Variants in CSMD3 observed in about 807,000 individuals in gnomAD.
The protein encoded by CSMD3 is CUB and sushi domain-containing protein 3.
CSMD3 carries 177 observed loss-of-function variants against 435.2 expected under a neutral mutation model. The observed-to-expected ratio is 0.41, with a 90% CI of 0.36 to 0.46. The LOEUF (loss-of-function observed/expected upper bound fraction) is 0.46. Among genes scored for constraint, CSMD3 ranks in the 20% least tolerant of loss-of-function variants. The probability of loss-of-function intolerance (pLI) is 0.34; values close to 1 mark genes in which losing one functional copy is unlikely to be tolerated. For synonymous variants in CSMD3, 1,656 were observed against 1,520.5 expected (o/e 1.09, Z -2.07); for missense variants, 4,265 against 4,504.6 (o/e 0.95, Z 1.52).
At chr8:112,642,578 A>T (rs1408074742) in intron 20 of CSMD3, among the ~76,000 whole-genome samples, 1 of 152,182 alleles carries the variant, frequency 6.6e-6, no homozygotes, top group African/African-American at 2.4e-5. Context: ...AATACTAATG[A>T]TCATAGTTAT....
At chr8:112,831,501 T>C (rs1038811928) in intron 11 of CSMD3, among the ~76,000 whole-genome samples, 3 of 152,038 alleles carry the variant, frequency 2.0e-5, no homozygotes, top group Admixed American at 2.0e-4. Context: ...ATTCAAATGT[T>C]CACATTCGTG....
At chr8:112,577,915 CA>C (rs1301890904) in intron 23 of CSMD3, among the ~76,000 whole-genome samples, 2 of 151,834 alleles carry the variant, frequency 1.3e-5, no homozygotes, top group Admixed American at 6.6e-5. Context: ...AATCCAAGAG[CA>C]AAAAGTAAAT....
chr8:112,864,271 C>T (rs189076758), intron 10 of CSMD3, among the ~76,000 whole-genome samples: 9 of 151,796 alleles, frequency 5.9e-5, no homozygotes, highest in African/African-American at 9.7e-5. Flanking sequence ...TTGTTTTAGA[C>T]GGAGTCTCAC....
At chr8:112,576,024 TTTAATTGCTATGAAAA>T (rs1238561423) in intron 23 of CSMD3, among the ~76,000 whole-genome samples, 1 of 151,544 alleles carries the variant, frequency 6.6e-6, no homozygotes, top group Non-Finnish European at 1.5e-5. Context: ...CAACATATAA[TTTAATTGCTATGAAAA>T]ATATAAATAT....
intron 2 of CSMD3, among the ~76,000 whole-genome samples, chr8:113,302,588 A>G (rs2093781797): frequency 6.6e-6 from 1 of 151,894 alleles, no homozygotes; most frequent in Non-Finnish European, 1.5e-5. Flanking sequence ...TACATTTATG[A>G]GAACATTAAT....
intron 32 of CSMD3, among the ~76,000 whole-genome samples, chr8:112,433,351 T>G (rs1563939897): frequency 6.6e-6 from 1 of 151,726 alleles, no homozygotes. Context: ...TAGGTCTAAT[T>G]GTTACCTTTA....
intron 5 of CSMD3, among the ~76,000 whole-genome samples, chr8:113,095,708 T>A (rs1222279463): frequency 6.6e-6 from 1 of 152,128 alleles, no homozygotes; most frequent in East Asian, 1.9e-4. Context: ...AAATGATACA[T>A]ACAGTTTAAA....
chr8:112,583,147 G>A (rs905696321), intron 23 of CSMD3, among the ~76,000 whole-genome samples: 8 of 152,112 alleles, frequency 5.3e-5, no homozygotes, highest in South Asian at 2.1e-4. Flanking sequence ...CCGGAAGTGT[G>A]AAGAAAAGAA....
intron 5 of CSMD3, among the ~76,000 whole-genome samples, chr8:113,044,953 C>T (rs948068433): frequency 1.3e-5 from 2 of 149,042 alleles, no homozygotes; most frequent in East Asian, 3.8e-4. Flanking sequence ...CAAACTACTA[C>T]TTATCCTTAA....
intron 38 of CSMD3, among the ~76,000 whole-genome samples, chr8:112,363,668 C>T (rs1184276693): frequency 6.6e-6 from 1 of 151,900 alleles, no homozygotes; most frequent in African/African-American, 2.4e-5. Context: ...ATCTCTACGT[C>T]ATCATCACAA....
Position 112,502,885 on chromosome 8 carries a change from G to C in CSMD3, c.5083+905C>G, listed in dbSNP as rs185063904. Among the ~76,000 whole-genome samples the C allele has an allele frequency of 2.0e-5, 3 of 152,216 alleles. No homozygotes were observed. The East Asian group carries it at 5.8e-4, about 29-fold the overall frequency. On this transcript the variant is annotated intron_variant, in intron 30 of 70. Transcript: ENST00000297405. The stretch of plus-strand genomic sequence containing the variant: ...TATTAGTATGCCATTCATGGACTCA[G>C]TAATTGAAAAATAAATTTAAATTTT...
intron 3 of CSMD3, among the ~76,000 whole-genome samples, chr8:113,278,262 T>C (rs2093586679): frequency 6.6e-6 from 1 of 151,818 alleles, no homozygotes; most frequent in African/African-American, 2.4e-5. Flanking sequence ...TACTTTCTGG[T>C]AGACTGGCAC....
chr8:113,192,315 G>GT (rs551210824), intron 3 of CSMD3, among the ~76,000 whole-genome samples: 14 of 151,072 alleles, frequency 9.3e-5, no homozygotes, highest in African/African-American at 2.4e-4. Flanking sequence ...CACAGTTGTT[G>GT]TTTTTTTTAT....
At chr8:112,979,545 A>G (rs2084971492) in intron 6 of CSMD3, among the ~76,000 whole-genome samples, 1 of 151,508 alleles carries the variant, frequency 6.6e-6, no homozygotes, top group Non-Finnish European at 1.5e-5. Context: ...CCAATGCTGG[A>G]AAAAGTCTTA....
intron 22 of CSMD3, among the ~76,000 whole-genome samples, chr8:112,632,009 C>T (rs1040116635): frequency 1.4e-4 from 21 of 151,940 alleles, no homozygotes; most frequent in African/African-American, 5.1e-4. Flanking sequence ...ATTTGATATA[C>T]ATATGTGGGC....
intron 23 of CSMD3, among the ~76,000 whole-genome samples, chr8:112,582,332 G>A (rs1288130135): frequency 1.3e-5 from 2 of 151,876 alleles, no homozygotes; most frequent in East Asian, 3.9e-4. Flanking sequence ...TGTTTGTAGA[G>A]CCTGCAGAAC....
intron 6 of CSMD3, among the ~76,000 whole-genome samples, chr8:113,008,798 G>A (rs1352666778): frequency 6.6e-6 from 1 of 151,200 alleles, no homozygotes; most frequent in Admixed American, 6.6e-5. Flanking sequence ...AATAATTACA[G>A]TGATACTGAA....
intron 15 of CSMD3, among the ~76,000 whole-genome samples, chr8:112,683,985 G>C (rs1454671528): frequency 6.6e-6 from 1 of 151,136 alleles, no homozygotes; most frequent in East Asian, 1.9e-4. Context: ...TAGAGTACCT[G>C]GTAGATATTT....
rs747320455 is a variant in CSMD3 at position 112,311,010 on chromosome 8, T to C, written c.7853A>G (p.His2618Arg). 1.9e-6 allele frequency: 3 copies of C among 1,613,992 alleles called. No homozygotes were observed. The highest frequency in any genetic ancestry group is 2.5e-6 in the Non-Finnish European group (3 of 1,180,006). Residue 2618 changes from histidine to arginine, a missense_variant, in exon 50 of 71, where the codon CAT (histidine) becomes CGT (arginine). This residue lies in a region of CSMD3 where 3,255 missense variants were observed against 3,380.2 expected (regional missense o/e 0.96). Coordinates refer to ENST00000297405, the MANE Select transcript of CSMD3 (RefSeq NM_198123.2). ...GGCAGGGACTGGCGCATCCCATGCA[T>C]GATACCCATAGGAAGACTTTCTGCA... ...AVCRKSSYGY[H>R]AWDAPVPACQ... is the part of the protein sequence containing the mutation.
Sources: gnomAD v4.1 joint callset for allele counts (sites outside exome capture counted in the v4.1 genomes callset) on GRCh38, gnomAD v4.1.1 for gene constraint, gnomAD v4.1.1 regional missense constraint, MANE v1.5 for transcripts, NCBI Gene and HGNC (gene_info 2026-07-23, HGNC 2026-07-21) for gene names.